Variants in WFDC1 observed in about 807,000 individuals in gnomAD.
The protein encoded by WFDC1 is WAP four-disulfide core domain 1.
A neutral mutation model predicts 32.9 loss-of-function variants in WFDC1; 39 were observed. That is an observed-to-expected ratio of 1.19 (90% confidence interval 0.92 to 1.55). WFDC1 has a LOEUF of 1.55. Ranked by LOEUF, WFDC1 falls within the 40% of genes most tolerant of loss-of-function variation. The pLI, the probability that WFDC1 is intolerant of heterozygous loss-of-function variation, is 0.00. For synonymous variants in WFDC1, 184 were observed against 137.4 expected (o/e 1.34, Z -2.37); for missense variants, 386 against 309.5 (o/e 1.25, Z -1.85).
At chr16:84,316,833 C>G (rs1907978024) in intron 2 of WFDC1, 1 of 151,982 alleles carries the variant, frequency 6.6e-6, no homozygotes, top group Admixed American at 6.6e-5. Flanking sequence ...CAAAAATTAG[C>G]CAGGCATGGT....
At chr16:84,328,032 G>C (rs1397719999) in intron 6 of WFDC1, 1 of 153,412 alleles carries the variant, frequency 6.5e-6, no homozygotes, top group East Asian at 1.9e-4. Context: ...CCTGGGGCAG[G>C]GGCTGCTTCG....
chr16:84,310,266 C>T (rs1907533416), intron 1 of WFDC1, among the ~76,000 whole-genome samples: 1 of 151,846 alleles, frequency 6.6e-6, no homozygotes, highest in African/African-American at 2.4e-5. Context: ...AAGCACATCC[C>T]AGCCTTGAGC....
chr16:84,326,988 G>A, intron 6 of WFDC1, 33 bp downstream of exon 6: 1 of 1,608,292 alleles, frequency 6.2e-7, no homozygotes, highest in Non-Finnish European at 8.5e-7. Flanking sequence ...TCATGGCCAG[G>A]GTAAATGTGG....
At chr16:84,309,453 G>A (rs982996794) in intron 1 of WFDC1, among the ~76,000 whole-genome samples, 2 of 151,986 alleles carry the variant, frequency 1.3e-5, no homozygotes, top group Non-Finnish European at 2.9e-5. Flanking sequence ...TGGAGGCATC[G>A]AGGCCAGGGA....
rs1908651625 is a variant in WFDC1, at chr16:84,327,125, T to C, written c.*15+170T>C. 4.7e-6 allele frequency: 3 copies of C among 637,364 alleles called. No individual in the cohort carries two copies. In the African/African-American group the frequency reaches 5.5e-5, roughly 12 times the overall value. 39.5% of individuals were successfully genotyped at this position (637,364 alleles called of 1,614,324 possible). The stretch of plus-strand genomic sequence containing the variant: ...GTCCTCACCTAACGTCATCAATAGG[T>C]TCTTGGAAACTGACTTTAAATGCAA... On this transcript the variant is annotated intron_variant, in intron 6 of 6. Transcript: ENST00000219454.
chr16:84,309,868 TTGTGTG>T (rs10541544), intron 1 of WFDC1, among the ~76,000 whole-genome samples: 6 of 150,536 alleles, frequency 4.0e-5, no homozygotes, highest in Non-Finnish European at 5.9e-5. Flanking sequence ...GGGGGCGTGC[TTGTGTG>T]TGTGTGTGTG....
chr16:84,319,538 C>T lies in WFDC1; in HGVS notation c.529C>T (p.Arg177Cys), dbSNP rs770212588. The T allele has an allele frequency of 8.1e-6, 13 of 1,612,978 alleles. No homozygotes were observed. Among genetic ancestry groups the T allele is most frequent in the East Asian group, 6.7e-5 (3 of 44,892 alleles). ...PGDVAEGIPN[R>C]GQCVKQRRQA... ...TGACGTGGCCGAAGGTATCCCCAACCGTGGGCAGTGCGTCAAGCAGCGCCG... is the reference window on the plus strand; with the variant it reads ...TGACGTGGCCGAAGGTATCCCCAACTGTGGGCAGTGCGTCAAGCAGCGCCG... The change falls in exon 4 of 7, where the codon CGT becomes TGT. Residue 177 changes from arginine to cysteine, a missense_variant. Physicochemically the swap from Arg to Cys is radical, Grantham distance 180 (BLOSUM62 -3). Transcript: ENST00000219454.
chr16:84,317,195 A>C (rs1221311427), intron 2 of WFDC1: 1 of 152,216 alleles, frequency 6.6e-6, no homozygotes, highest in Non-Finnish European at 1.5e-5. Context: ...CGGGAGACTG[A>C]GAGAGGAGAA....
chr16:84,309,902 C>T (rs1365024614), intron 1 of WFDC1, among the ~76,000 whole-genome samples: 1 of 151,640 alleles, frequency 6.6e-6, no homozygotes, highest in East Asian at 1.9e-4. Context: ...TCCCTCTGCT[C>T]CCCTCTTCTC....
intron 3 of WFDC1, 109 bp from the exon 4 acceptor site, chr16:84,319,322 G>A (rs1454919242): frequency 2.8e-5 from 42 of 1,477,100 alleles, no homozygotes; most frequent in Non-Finnish European, 3.7e-5. Context: ...GCCTCTCTGG[G>A]TGAGGTGCGT....
At chr16:84,308,129 C>T (rs1049622412) in intron 1 of WFDC1, among the ~76,000 whole-genome samples, 1 of 151,788 alleles carries the variant, frequency 6.6e-6, no homozygotes, top group South Asian at 2.1e-4. Flanking sequence ...GGGCCAGGGG[C>T]CCCCCTCCCA....
chr16:84,310,091 C>T (rs898803655), intron 1 of WFDC1, among the ~76,000 whole-genome samples: 1 of 152,018 alleles, frequency 6.6e-6, no homozygotes, highest in Non-Finnish European at 1.5e-5. Context: ...CAGGAGGAGA[C>T]ACAGGAGGCT....
chr16:84,303,108 C>T (rs188972692), intron 1 of WFDC1, among the ~76,000 whole-genome samples: 6 of 151,634 alleles, frequency 4.0e-5, no homozygotes, highest in South Asian at 2.1e-4. Context: ...TTAAGGGCCC[C>T]GGGCACCAGG....
chr16:84,324,955 C>G (rs1055895635), intron 5 of WFDC1, among the ~76,000 whole-genome samples: 4 of 152,066 alleles, frequency 2.6e-5, no homozygotes, highest in African/African-American at 9.6e-5. Flanking sequence ...GTTTTTTCAT[C>G]CATTCATTCC....
intron 6 of WFDC1, chr16:84,328,414 G>T (rs1908727942): frequency 6.6e-6 from 1 of 152,236 alleles, no homozygotes; most frequent in South Asian, 2.1e-4. Flanking sequence ...CCTAAAAGCA[G>T]GTGACAGCCT....
intron 5 of WFDC1, chr16:84,326,167 A>G (rs1908588868): frequency 1.3e-5 from 2 of 149,378 alleles, no homozygotes; most frequent in African/African-American, 5.0e-5. Context: ...CCACCCACCC[A>G]TATATCCATG....
chr16:84,310,164 A>T (rs367045), intron 1 of WFDC1, among the ~76,000 whole-genome samples: 55,840 of 151,080 alleles, frequency 0.37, 11,643 homozygotes, highest in East Asian at 0.63. Context: ...CTATTAAGAC[A>T]CCGAGAAAGA....
chr16:84,295,236 G>A, intron 1 of WFDC1, 121 bp downstream of exon 1: 1 of 1,319,528 alleles, frequency 7.6e-7, no homozygotes, highest in South Asian at 1.4e-5. Context: ...GGCAAGGCAG[G>A]CGTCTTCCTA....
rs917938794 is a variant in WFDC1 at position 84,309,712 on chromosome 16, A to G, written c.145-3249A>G. Among the ~76,000 whole-genome samples, 82 of 152,190 alleles carry G rather than the reference A, an allele frequency of 5.4e-4. 1 individual carries two copies. Among genetic ancestry groups the G allele is most frequent in the Admixed American group, 4.0e-3 (61 of 15,288 alleles). ...CAGAGCCGCGCCCCCCCAACTCCAG[A>G]GGTTCCTTCCTTGCCAATCCCTGTT... is the stretch of plus-strand genomic sequence containing the variant. On this transcript the variant is annotated intron_variant, in intron 1 of 6. Transcript: ENST00000219454.
Sources: gnomAD v4.1 joint callset for allele counts (sites outside exome capture counted in the v4.1 genomes callset) on GRCh38, gnomAD v4.1.1 for gene constraint, MANE v1.5 for transcripts, NCBI Gene and HGNC (gene_info 2026-07-23, HGNC 2026-07-21) for gene names.